XKR6: variants seen among roughly 807,000 people sequenced by gnomAD.
XKR6 encodes the protein XK-related protein 6.
In XKR6, 22 loss-of-function variants were observed where a neutral mutation model predicts 56.7. That is an observed-to-expected ratio of 0.39 (90% CI 0.28 to 0.55). The LOEUF is 0.55. XKR6 is among the 20% of genes least tolerant of loss of function. XKR6 has a pLI of 0.66. For synonymous variants in XKR6, 524 were observed against 387.8 expected, an observed-to-expected ratio of 1.35 and a Z score of -4.13; for missense variants, 852 against 889.0, an observed-to-expected ratio of 0.96 and a Z score of 0.53.
intron 1 of XKR6, among the ~76,000 whole-genome samples, chr8:11,076,368 T>C (rs1023588373): frequency 1.3e-5 from 2 of 152,186 alleles, no homozygotes; most frequent in Non-Finnish European, 2.9e-5. Context: ...GTTAGGATTG[T>C]AGATTTTATA....
intron 1 of XKR6, among the ~76,000 whole-genome samples, chr8:11,132,269 T>C (rs1800140741): frequency 6.6e-6 from 1 of 152,174 alleles, no homozygotes; most frequent in African/African-American, 2.4e-5. Context: ...AGGTGGTACT[T>C]ACAGAGCTAC....
intron 1 of XKR6, among the ~76,000 whole-genome samples, chr8:11,192,487 C>T (rs976536066): frequency 6.6e-6 from 1 of 151,910 alleles, no homozygotes; most frequent in Non-Finnish European, 1.5e-5. Context: ...TGGTGGCACA[C>T]GCCTCAAGCC....
chr8:11,113,219 G>C (rs1270144537), intron 1 of XKR6, among the ~76,000 whole-genome samples: 1 of 152,138 alleles, frequency 6.6e-6, no homozygotes, highest in Non-Finnish European at 1.5e-5. Flanking sequence ...CCACTTATTT[G>C]AAATAATAGC....
At chr8:11,153,325 C>T (rs79580392) in intron 1 of XKR6, among the ~76,000 whole-genome samples, 3,019 of 152,198 alleles carry the variant, frequency 0.02, 117 homozygotes, top group African/African-American at 0.07. Flanking sequence ...TGGAATTACT[C>T]GTGCATGTAG....
At chr8:11,165,406 C>T (rs953720439) in intron 1 of XKR6, among the ~76,000 whole-genome samples, 2 of 151,998 alleles carry the variant, frequency 1.3e-5, no homozygotes, top group African/African-American at 4.8e-5. Context: ...CTGGCTATCG[C>T]TATTTTAAGC....
At chr8:10,939,567 C>T (rs901961536) in intron 1 of XKR6, among the ~76,000 whole-genome samples, 5 of 152,234 alleles carry the variant, frequency 3.3e-5, no homozygotes, top group Admixed American at 2.6e-4. Flanking sequence ...AGCTCTCACC[C>T]CTCAAGCGGC....
chr8:10,976,131 G>A (rs1196310904), intron 1 of XKR6, among the ~76,000 whole-genome samples: 6 of 151,924 alleles, frequency 3.9e-5, no homozygotes, highest in Non-Finnish European at 8.8e-5. Context: ...AGCCGAGATC[G>A]TGCCACTGCA....
chr8:11,007,133 G>A (rs1798388064), intron 1 of XKR6, among the ~76,000 whole-genome samples: 1 of 152,160 alleles, frequency 6.6e-6, no homozygotes, highest in Admixed American at 6.5e-5. Flanking sequence ...AGCCTGGGAT[G>A]CTGTTCTGAT....
intron 1 of XKR6, among the ~76,000 whole-genome samples, chr8:10,926,615 G>A (rs1319667512): frequency 1.3e-5 from 2 of 152,262 alleles, no homozygotes; most frequent in African/African-American, 4.8e-5. Flanking sequence ...GGCCCCCCAG[G>A]CCAGGTCCTT....
chr8:11,183,470 C>T (rs1212794377), intron 1 of XKR6, among the ~76,000 whole-genome samples: 1 of 151,634 alleles, frequency 6.6e-6, no homozygotes. Context: ...CGCCACCACA[C>T]CTGTCTAGTT....
At chr8:10,966,603 G>T (rs913113329) in intron 1 of XKR6, among the ~76,000 whole-genome samples, 1 of 152,146 alleles carries the variant, frequency 6.6e-6, no homozygotes, top group African/African-American at 2.4e-5. Flanking sequence ...GAACCCAGGA[G>T]GCGGAGCTTG....
intron 1 of XKR6, among the ~76,000 whole-genome samples, chr8:11,059,626 G>GT (rs1225142353): frequency 6.6e-6 from 1 of 151,250 alleles, no homozygotes; most frequent in African/African-American, 2.4e-5. Context: ...GGGGCGCGGG[G>GT]GGCGCGGGGC....
chr8:11,142,578 T>C (rs184605245), intron 1 of XKR6, among the ~76,000 whole-genome samples: 12 of 152,298 alleles, frequency 7.9e-5, no homozygotes, highest in Admixed American at 7.2e-4. Context: ...CGAGATCTGA[T>C]TGCTTACAAG....
intron 1 of XKR6, among the ~76,000 whole-genome samples, chr8:11,053,095 C>T (rs895415333): frequency 2.6e-4 from 40 of 152,206 alleles, no homozygotes; most frequent in African/African-American, 9.2e-4. Flanking sequence ...CAGCCAATGA[C>T]TCCCAAGGGA....
At position 11,063,804 on chromosome 8, in the gene XKR6, C is replaced by G. The variant is rs539613289; in HGVS notation, c.764+136772G>C. Among the ~76,000 whole-genome samples, 6 of 152,308 alleles carry G rather than the reference C, an allele frequency of 3.9e-5. No homozygotes were observed. The South Asian group carries it at 1.2e-3, about 32-fold the overall frequency. On this transcript the variant is annotated intron_variant, in intron 1 of 2. Coordinates refer to ENST00000416569, the MANE Select transcript of XKR6 (RefSeq NM_173683.4). ...TCTCTTTCCCACCTGCAACTTGCAC[C>G]TGGCCACAGATACTCTCCATTTGCT...
At chr8:10,966,870 G>A (rs1251024556) in intron 1 of XKR6, among the ~76,000 whole-genome samples, 2 of 151,992 alleles carry the variant, frequency 1.3e-5, no homozygotes, top group Non-Finnish European at 2.9e-5. Context: ...ATCACCTGAC[G>A]AGCCCTTCCA....
chr8:10,995,086 G>C (rs1004563775), intron 1 of XKR6, among the ~76,000 whole-genome samples: 5 of 152,190 alleles, frequency 3.3e-5, no homozygotes, highest in Admixed American at 6.5e-5. Flanking sequence ...ACTCAGGCTA[G>C]GTCAACATTG....
intron 1 of XKR6, among the ~76,000 whole-genome samples, chr8:10,995,412 C>T (rs1438081722): frequency 6.8e-6 from 1 of 146,364 alleles, no homozygotes; most frequent in Non-Finnish European, 1.5e-5. Context: ...TATATATCTA[C>T]TATATTTACT....
chr8:10,988,780 C>T (rs759650937), intron 1 of XKR6, among the ~76,000 whole-genome samples: 3 of 152,172 alleles, frequency 2.0e-5, no homozygotes, highest in African/African-American at 4.8e-5. Context: ...TGTCACAGAA[C>T]ATAACCTCAA....
Sources: gnomAD v4.1 joint callset for allele counts (sites outside exome capture counted in the v4.1 genomes callset) on GRCh38, gnomAD v4.1.1 for gene constraint, MANE v1.5 for transcripts, NCBI Gene and HGNC (gene_info 2026-07-23, HGNC 2026-07-21) for gene names.